The following CD2AP variants were observed in gnomAD, a reference collection of about 807,000 sequenced individuals.
CD2AP encodes the protein CD2-associated protein.
In CD2AP, 46 loss-of-function variants were observed where a neutral mutation model predicts 85.1. That is an observed-to-expected ratio of 0.54 (90% CI 0.43 to 0.69). The LOEUF is 0.69. Ranked by LOEUF, CD2AP falls within the 30% of genes least tolerant of loss-of-function variation. The probability of loss-of-function intolerance (pLI) is 0.00; values close to 1 mark genes in which losing one functional copy is unlikely to be tolerated. For synonymous variants in CD2AP, 255 were observed against 252.9 expected (o/e 1.01, Z -0.08); for missense variants, 769 against 729.5 (o/e 1.05, Z -0.62).
chr6:47,574,300 G>A (rs1768243604), intron 6 of CD2AP, 49 bp downstream of exon 6: 1 of 1,525,934 alleles, frequency 6.6e-7, no homozygotes, highest in African/African-American at 1.4e-5. Flanking sequence ...CTCTCATTAA[G>A]CATTTTTTAA....
intron 3 of CD2AP, among the ~76,000 whole-genome samples, chr6:47,543,160 AAAAAAAAAAAAAGAAAAAGAAAAAAG>A (rs1767271146): frequency 1.4e-5 from 2 of 147,714 alleles, no homozygotes; most frequent in African/African-American, 4.9e-5. Flanking sequence ...AAAAAAAAAA[AAAAAAAAAAAAAGAAAAAGAAAAAAG>A]AAAAAAAAGA....
chr6:47,503,453 A>G lies in CD2AP; in HGVS notation c.165+13A>G, dbSNP rs368408367. ...CAATTTCGTTAAGGTAAGTATTTTC[A>G]GTTAAATTTCTAGCTCTTGCTTCAT... is the stretch of plus-strand genomic sequence containing the variant. On this transcript the variant is annotated intron_variant, in intron 2 of 17. Coordinates refer to ENST00000359314, the MANE Select transcript of CD2AP (RefSeq NM_012120.3). 4.0e-4 allele frequency: 640 copies of G among 1,608,800 alleles called. No individual in the cohort carries two copies. The highest frequency in any genetic ancestry group is 5.0e-4 in the Non-Finnish European group (590 of 1,175,338).
chr6:47,554,006 G>C (rs940034897), intron 4 of CD2AP, among the ~76,000 whole-genome samples: 7 of 151,978 alleles, frequency 4.6e-5, no homozygotes, highest in Non-Finnish European at 8.8e-5. Flanking sequence ...ACCTGGGCTG[G>C]AGTCCAGTGC....
At chr6:47,514,547 A>G (rs1245516019) in intron 2 of CD2AP, among the ~76,000 whole-genome samples, 1 of 152,188 alleles carries the variant, frequency 6.6e-6, no homozygotes, top group Non-Finnish European at 1.5e-5. Context: ...ATAAAACAAA[A>G]TAAACACATT....
At position 47,589,565 on chromosome 6, in the gene CD2AP, C is replaced by CACACATATATATATATATATATATAT. The variant is rs139814970; in HGVS notation, c.1109-6295_1109-6294insCACATATATATATATATATATATATA. Among the ~76,000 whole-genome samples the CACACATATATATATATATATATATAT allele has an allele frequency of 2.2e-3, 268 of 120,900 alleles. 1 individual carries two copies. The highest frequency in any genetic ancestry group is 3.3e-3 in the Admixed American group (40 of 12,238). The allele number at this position is 120,900 out of a possible 152,430, so 79.3% of individuals were successfully genotyped here. On this transcript the variant is annotated intron_variant, in intron 11 of 17. Transcript: ENST00000359314. ...ACACATATATATACACACACACACACATATATATATATATATTTGTCAGAG... is the reference window on the plus strand; with the variant it reads ...ACACATATATATACACACACACACACACACATATATATATATATATATATATATATATATATATATATTTGTCAGAG...
intron 16 of CD2AP, among the ~76,000 whole-genome samples, chr6:47,610,785 C>T (rs932283458): frequency 2.6e-5 from 4 of 151,240 alleles, no homozygotes; most frequent in African/African-American, 9.7e-5. Flanking sequence ...TGTAAGTTTA[C>T]TTGTCCAGTA....
At chr6:47,566,943 G>A (rs1235681269) in intron 5 of CD2AP, among the ~76,000 whole-genome samples, 3 of 152,146 alleles carry the variant, frequency 2.0e-5, no homozygotes, top group African/African-American at 4.8e-5. Flanking sequence ...GCATGCATGT[G>A]TCTTTATAGT....
chr6:47,544,277 T>C (rs756405814), intron 3 of CD2AP, among the ~76,000 whole-genome samples: 11 of 152,192 alleles, frequency 7.2e-5, no homozygotes, highest in Non-Finnish European at 1.5e-4. Context: ...AGAGGACTTG[T>C]CTATGATGAA....
chr6:47,619,683 C>A (rs1326510927), intron 17 of CD2AP, among the ~76,000 whole-genome samples: 1 of 152,202 alleles, frequency 6.6e-6, no homozygotes, highest in Non-Finnish European at 1.5e-5. Flanking sequence ...TACGTTCCCA[C>A]CAGCAGTGTA....
intron 2 of CD2AP, among the ~76,000 whole-genome samples, chr6:47,530,814 C>A (rs1342571360): frequency 6.6e-6 from 1 of 152,140 alleles, no homozygotes; most frequent in Non-Finnish European, 1.5e-5. Flanking sequence ...TATAAATTTA[C>A]TTTAGTGTCT....
chr6:47,528,334 C>A (rs1188978536), intron 2 of CD2AP, among the ~76,000 whole-genome samples: 2 of 152,128 alleles, frequency 1.3e-5, no homozygotes, highest in Admixed American at 6.5e-5. Flanking sequence ...GCCACTACGC[C>A]TGGCTAATTT....
chr6:47,569,447 CA>C (rs1018826542), intron 5 of CD2AP, among the ~76,000 whole-genome samples: 13 of 151,766 alleles, frequency 8.6e-5, no homozygotes, highest in Admixed American at 5.9e-4. Context: ...GAATAAGTTG[CA>C]AAGTGGTGAG....
rs1018996847 is a variant in CD2AP at position 47,478,020 on chromosome 6, T to C, written c.-225T>C. On this transcript the variant is annotated 5_prime_UTR_variant, in exon 1 of 18. Transcript: ENST00000359314. Reference sequence around the variant, plus strand: ...CCGTGGCTCCTGGGGAGGCCAGGGGTGAGGAGCTGTCGCCGCCTTTGCCTC... The same window carrying C: ...CCGTGGCTCCTGGGGAGGCCAGGGGCGAGGAGCTGTCGCCGCCTTTGCCTC... The C allele has an allele frequency of 1.6e-6, 1 of 608,424 alleles. No individual in the cohort carries two copies. The highest frequency in any genetic ancestry group is 1.9e-5 in the African/African-American group (1 of 53,160). 37.7% of individuals were successfully genotyped at this position (608,424 alleles called of 1,614,324 possible). A position where few individuals can be genotyped will look rare whatever the true frequency, so the allele number is the denominator to read the frequency against.
intron 5 of CD2AP, among the ~76,000 whole-genome samples, chr6:47,569,839 A>G (rs1247439029): frequency 6.6e-6 from 1 of 152,144 alleles, no homozygotes; most frequent in South Asian, 2.1e-4. Flanking sequence ...GTAATCATAT[A>G]TTAGTATTCA....
At chr6:47,486,891 A>T (rs1225092589) in intron 1 of CD2AP, among the ~76,000 whole-genome samples, 1 of 152,200 alleles carries the variant, frequency 6.6e-6, no homozygotes, top group Admixed American at 6.5e-5. Context: ...AGTCTTGGTT[A>T]GAGTGTTTTT....
At chr6:47,519,127 G>A (rs915294897) in intron 2 of CD2AP, among the ~76,000 whole-genome samples, 1 of 152,178 alleles carries the variant, frequency 6.6e-6, no homozygotes, top group South Asian at 2.1e-4. Context: ...TATTCTAATG[G>A]TGGGGCAGAC....
chr6:47,508,751 A>C (rs1169726763), intron 2 of CD2AP, among the ~76,000 whole-genome samples: 1 of 151,648 alleles, frequency 6.6e-6, no homozygotes, highest in African/African-American at 2.4e-5. Context: ...CACCATGTTG[A>C]CCAAGCTGGT....
At position 47,533,582 on chromosome 6, in the gene CD2AP, A is replaced by G. The variant is rs770508119; in HGVS notation, c.166-20A>G. ...AAAATATAACTTAACTTGCCTCTTT[A>G]TTTATTTTCCCTTTTGTAGGAAATT... On this transcript the variant is annotated intron_variant, in intron 2 of 17. Transcript: ENST00000359314. 3 of 1,610,898 alleles carry G rather than the reference A, an allele frequency of 1.9e-6. No individual in the cohort carries two copies. Among genetic ancestry groups the G allele is most frequent in the Non-Finnish European group, 2.5e-6 (3 of 1,178,158 alleles).
chr6:47,508,534 C>CTTTTTTT (rs374284567), intron 2 of CD2AP, among the ~76,000 whole-genome samples: 5 of 129,394 alleles, frequency 3.9e-5, no homozygotes, highest in South Asian at 2.3e-4. Flanking sequence ...TTCTTTCTTT[C>CTTTTTTT]TTTTTTTTTT....
Sources: allele counts gnomAD v4.1 joint callset (sites outside exome capture counted in the v4.1 genomes callset), GRCh38; gene constraint gnomAD v4.1.1; transcripts MANE v1.5; gene names NCBI Gene and HGNC (gene_info 2026-07-23, HGNC 2026-07-21).